The following OLFM1 variants were observed in gnomAD, a reference collection of about 807,000 sequenced individuals.
OLFM1 encodes the protein olfactomedin 1.
A neutral mutation model predicts 49.7 loss-of-function variants in OLFM1; 9 were observed. The observed-to-expected ratio is 0.18, with a 90% confidence interval of 0.11 to 0.32. OLFM1 has a LOEUF of 0.32. Ranked by LOEUF, OLFM1 falls within the 10% of genes least tolerant of loss-of-function variation. OLFM1 has a pLI of 1.00. For synonymous variants in OLFM1, 240 were observed against 271.8 expected (o/e 0.88, Z 1.15); for missense variants, 369 against 661.8 (o/e 0.56, Z 4.85).
chr9:135,097,945 C>A (rs985312274), intron 3 of OLFM1: 8 of 1,466,166 alleles, frequency 5.5e-6, no homozygotes, highest in Non-Finnish European at 6.3e-6. Flanking sequence ...CAACCAGGAT[C>A]CTCCTTTGCA....
chr9:135,105,677 C>T (rs1047509244), intron 4 of OLFM1: 1 of 152,222 alleles, frequency 6.6e-6, no homozygotes, highest in African/African-American at 2.4e-5. Flanking sequence ...CCTCTGAACT[C>T]GTGTGCTCGT....
At chr9:135,111,857 A>G (rs769718586) in intron 5 of OLFM1, among the ~76,000 whole-genome samples, 3 of 151,104 alleles carry the variant, frequency 2.0e-5, no homozygotes, top group Non-Finnish European at 4.4e-5. Context: ...TTACAGGCGC[A>G]TGCCATCACT....
rs199608131 is a variant in OLFM1 at position 135,098,020 on chromosome 9, G to GA, written c.457-256dup. 0.028 allele frequency: 32,912 copies of GA among 1,174,516 alleles called. 92 individuals carry two copies. Among genetic ancestry groups the GA allele is most frequent in the South Asian group, 0.045 (2,213 of 49,364 alleles). The allele number at this position is 1,174,516 out of a possible 1,614,324, so 72.8% of individuals were successfully genotyped here. On this transcript the variant is annotated intron_variant, in intron 3 of 5. Coordinates refer to ENST00000371793, the MANE Select transcript of OLFM1 (RefSeq NM_001282611.2). This position sits in a 1 kb window ranked among gnomAD's most constrained non-coding sequence, Gnocchi z 5.6. ...GTCAATGCATTTTTTGAAAAAGAAAGAAAAAAAAAACTTCGTGTATGTGAC... is the reference window on the plus strand; with the variant it reads ...GTCAATGCATTTTTTGAAAAAGAAAGAAAAAAAAAAACTTCGTGTATGTGAC...
Position 135,080,111 on chromosome 9 carries a change from C to G in OLFM1, c.96+4309C>G, listed in dbSNP as rs75069410. Among the ~76,000 whole-genome samples, 21,310 of 151,674 alleles carry G rather than the reference C, an allele frequency of 0.14. 1,828 individuals are homozygous for G. Among genetic ancestry groups the G allele is most frequent in the African/African-American group, 0.23 (9,639 of 41,254 alleles). ...CCCTCTGAATCTGTTCCTCATCCCC[C>G]CATTTAGCTCATTCTAGAGCTGAAG... On this transcript the variant is annotated intron_variant, in intron 1 of 5. Transcript: ENST00000252854. This position sits in a 1 kb window ranked among gnomAD's most constrained non-coding sequence, Gnocchi z 4.5.
At chr9:135,086,607 T>A (rs1564267956), upstream of OLFM1, 3 of 456,094 alleles carry the variant, frequency 6.6e-6, no homozygotes, top group South Asian at 4.6e-5. Flanking sequence ...GAAAGCTTAA[T>A]GGAAGGCCCC....
chr9:135,076,364 G>C, intron 1 of OLFM1: 1 of 1,531,308 alleles, frequency 6.5e-7, no homozygotes, highest in Non-Finnish European at 8.8e-7. Context: ...GCAGGGCTTG[G>C]GGGGCTGTGG....
At chr9:135,089,504 G>C (rs1830650378) in intron 1 of OLFM1, among the ~76,000 whole-genome samples, 1 of 152,218 alleles carries the variant, frequency 6.6e-6, no homozygotes, top group South Asian at 2.1e-4. Context: ...CTGAGGTTGG[G>C]GGTGACCCCT....
At chr9:135,110,266 C>A (rs1023014669) in intron 5 of OLFM1, among the ~76,000 whole-genome samples, 1 of 152,168 alleles carries the variant, frequency 6.6e-6, no homozygotes, top group Non-Finnish European at 1.5e-5. Context: ...CTGCTCTGAC[C>A]ATGGCCTGCC....
chr9:135,075,725 T>A, exon 1 of OLFM1: 2 of 1,601,566 alleles, frequency 1.2e-6, no homozygotes. Flanking sequence ...TCGTTGGAGG[T>A]GGCAGCGAGA....
chr9:135,118,504 CTCGCTGGGTCTTTGGA>C lies in OLFM1; in HGVS notation c.784-999_784-984del, dbSNP rs1398152292. 5.2e-4 allele frequency among the ~76,000 whole-genome samples: 78 copies of C among 149,906 alleles called. No individual in the cohort carries two copies. The Middle Eastern group carries it at 0.011, about 21-fold the overall frequency. On this transcript the variant is annotated intron_variant, in intron 5 of 5. Coordinates refer to ENST00000371793, the MANE Select transcript of OLFM1 (RefSeq NM_001282611.2). Reference sequence around the variant, plus strand: ...GAGTGCTCACTGGGTCTTTGGAGTGCTCGCTGGGTCTTTGGAATGCTCGCTGGGTCTTTGGAATGCT... The same window carrying C: ...GAGTGCTCACTGGGTCTTTGGAGTGCATGCTCGCTGGGTCTTTGGAATGCT...
chr9:135,115,571 G>A (rs2119142685), intron 5 of OLFM1, among the ~76,000 whole-genome samples: 1 of 152,388 alleles, frequency 6.6e-6, no homozygotes, highest in South Asian at 2.1e-4. Context: ...CGTTGCAGGG[G>A]GCTGTTGGTG....
At chr9:135,114,286 A>G (rs1292908415) in intron 5 of OLFM1, among the ~76,000 whole-genome samples, 2 of 151,344 alleles carry the variant, frequency 1.3e-5, no homozygotes, top group Non-Finnish European at 1.5e-5. Flanking sequence ...ATGTCCAGCT[A>G]ATTTTTATAT....
intron 2 of OLFM1, among the ~76,000 whole-genome samples, chr9:135,095,508 C>G (rs1357409568): frequency 9.3e-6 from 1 of 107,548 alleles, no homozygotes; most frequent in Non-Finnish European, 1.9e-5. Flanking sequence ...TCCCCACCCA[C>G]CACTACCAAA....
chr9:135,092,668 G>A (rs1353239950), intron 2 of OLFM1, among the ~76,000 whole-genome samples: 1 of 152,176 alleles, frequency 6.6e-6, no homozygotes, highest in East Asian at 1.9e-4. Context: ...AGAGCAGAGA[G>A]TTGGGAAATG....
rs1275240361 is a variant in OLFM1 at position 135,116,482 on chromosome 9, C to T, written c.784-3022C>T. Among the ~76,000 whole-genome samples the T allele has an allele frequency of 2.0e-5, 3 of 152,130 alleles. No individual in the cohort carries two copies. The East Asian group carries it at 5.8e-4, about 29-fold the overall frequency. On this transcript the variant is annotated intron_variant, in intron 5 of 5. Transcript: ENST00000371793. The stretch of plus-strand genomic sequence containing the variant: ...AAGTTGATGCTGGTGTATCCCCCTT[C>T]TGCCCATGGGAAGGAGGCTCTGGAC...
intron 1 of OLFM1, among the ~76,000 whole-genome samples, chr9:135,079,502 G>T (rs929308830): frequency 6.6e-6 from 1 of 152,170 alleles, no homozygotes; most frequent in African/African-American, 2.4e-5. Context: ...CTACTCAGGA[G>T]ACTGAGGGAG....
intron 1 of OLFM1, chr9:135,076,277 G>A: frequency 1.3e-6 from 2 of 1,550,574 alleles, no homozygotes; most frequent in Non-Finnish European, 1.7e-6. Flanking sequence ...CCAGAAACAG[G>A]CGGTGGGGAT....
chr9:135,082,093 T>C (rs1830540583), intron 1 of OLFM1, among the ~76,000 whole-genome samples: 2 of 152,228 alleles, frequency 1.3e-5, no homozygotes, highest in Non-Finnish European at 2.9e-5. Flanking sequence ...GCAGACCTGC[T>C]CGCCCCAAAA....
At chr9:135,093,324 T>C (rs1830740928) in intron 2 of OLFM1, among the ~76,000 whole-genome samples, 1 of 152,168 alleles carries the variant, frequency 6.6e-6, no homozygotes, top group Admixed American at 6.5e-5. Context: ...GGTTTGAGAG[T>C]GTAGGCTTTG....
Sources: allele counts gnomAD v4.1 joint callset (sites outside exome capture counted in the v4.1 genomes callset), GRCh38; gene constraint gnomAD v4.1.1; non-coding constraint Gnocchi (gnomAD v3.1); transcripts MANE v1.5; gene names NCBI Gene and HGNC (gene_info 2026-07-23, HGNC 2026-07-21).